CALN1: variants seen among roughly 807,000 people sequenced by gnomAD.
CALN1 encodes calcium-binding protein 8.
In CALN1, 17 loss-of-function variants were observed where a neutral mutation model predicts 30.6. The ratio of observed to expected loss-of-function variants is 0.56; its 90% CI spans 0.38 to 0.83. The LOEUF is 0.83. Ranked by LOEUF, CALN1 falls within the 40% of genes least tolerant of loss-of-function variation. The pLI is 0.00. For synonymous variants in CALN1, 156 were observed against 131.4 expected (o/e 1.19, Z -1.28); for missense variants, 291 against 354.9 (o/e 0.82, Z 1.45).
intron 2 of CALN1, chr7:72,337,743 G>C (rs1448626704): frequency 6.6e-6 from 1 of 152,410 alleles, no homozygotes; most frequent in Non-Finnish European, 1.5e-5. Flanking sequence ...GAGACGTCCA[G>C]GGAGGCACGG....
intron 5 of CALN1, among the ~76,000 whole-genome samples, chr7:71,999,481 C>T (rs1042424669): frequency 6.6e-6 from 1 of 151,974 alleles, no homozygotes; most frequent in Non-Finnish European, 1.5e-5. Context: ...GGATCTAGCT[C>T]ATATACACAG....
chr7:72,077,833 T>C (rs1289846671), intron 4 of CALN1, among the ~76,000 whole-genome samples: 2 of 152,196 alleles, frequency 1.3e-5, no homozygotes, highest in Non-Finnish European at 2.9e-5. Flanking sequence ...GCAGACTATT[T>C]TCCAGCAAGA....
intron 3 of CALN1, among the ~76,000 whole-genome samples, chr7:72,159,877 C>G (rs995093772): frequency 4.6e-5 from 7 of 152,160 alleles, no homozygotes; most frequent in African/African-American, 1.7e-4. Flanking sequence ...GTGATTTCCA[C>G]TGAAGGTGAA....
chr7:71,781,663 C>T lies in CALN1; in HGVS notation c.*6112G>A, dbSNP rs1792721372. The T allele has an allele frequency of 2.0e-5, 3 of 152,230 alleles. No homozygotes were observed. Among genetic ancestry groups the T allele is most frequent in the African/African-American group, 7.2e-5 (3 of 41,448 alleles). 9.4% of individuals were successfully genotyped at this position (152,230 alleles called of 1,614,324 possible). ...TCCTAATTAGCCTGCTCTTCTATCC[C>T]ACTGGAAAATTCCAGCCTCTGCATC... is the stretch of plus-strand genomic sequence containing the variant. On this transcript the variant is annotated 3_prime_UTR_variant, in exon 7 of 7. Transcript: ENST00000395275.
intron 5 of CALN1, among the ~76,000 whole-genome samples, chr7:71,882,331 T>C (rs1004954729): frequency 4.6e-5 from 7 of 152,152 alleles, no homozygotes; most frequent in Admixed American, 1.3e-4. Context: ...ACCCTTGTGA[T>C]TACACTGGGG....
At chr7:72,081,682 A>G (rs374846546) in intron 4 of CALN1, among the ~76,000 whole-genome samples, 1 of 151,722 alleles carries the variant, frequency 6.6e-6, no homozygotes, top group South Asian at 2.1e-4. Flanking sequence ...TCAGCCTCCT[A>G]AAGTGCTGGG....
intron 2 of CALN1, among the ~76,000 whole-genome samples, chr7:72,285,475 C>T (rs1798025970): frequency 6.6e-6 from 1 of 152,072 alleles, no homozygotes; most frequent in Admixed American, 6.5e-5. Context: ...GATCTCCTGA[C>T]CTTGTGATCT....
At chr7:71,846,803 T>G (rs1790267764) in intron 5 of CALN1, among the ~76,000 whole-genome samples, 1 of 142,076 alleles carries the variant, frequency 7.0e-6, no homozygotes, top group Non-Finnish European at 1.5e-5. Flanking sequence ...TACATATATA[T>G]GAGCAATATA....
intron 2 of CALN1, among the ~76,000 whole-genome samples, chr7:72,305,438 A>G (rs1318787864): frequency 6.6e-6 from 1 of 152,140 alleles, no homozygotes; most frequent in Non-Finnish European, 1.5e-5. Context: ...AATTGTGATG[A>G]ATTTCTATGT....
chr7:71,939,860 C>T (rs1049378148), intron 5 of CALN1, among the ~76,000 whole-genome samples: 3 of 152,086 alleles, frequency 2.0e-5, no homozygotes, highest in Non-Finnish European at 2.9e-5. Context: ...CATACTCTTG[C>T]CAAACTCCCT....
intron 5 of CALN1, among the ~76,000 whole-genome samples, chr7:71,813,243 C>T (rs549970172): frequency 6.6e-6 from 1 of 152,196 alleles, no homozygotes; most frequent in Admixed American, 6.6e-5. Context: ...CAGGGTTTCA[C>T]CATGTTGGCC....
At chr7:72,389,643 A>C (rs565535424) in intron 2 of CALN1, among the ~76,000 whole-genome samples, 79 of 152,298 alleles carry the variant, frequency 5.2e-4, no homozygotes, top group Middle Eastern at 6.8e-3. Flanking sequence ...CAAGGGGCTG[A>C]GCTTGGTGGC....
intron 3 of CALN1, among the ~76,000 whole-genome samples, chr7:72,254,785 C>CA (rs1170792600): frequency 1.3e-5 from 2 of 152,004 alleles, no homozygotes; most frequent in Admixed American, 1.3e-4. Context: ...CCCGCTGAGA[C>CA]AGAGTCTTGC....
At chr7:72,369,579 T>C (rs947724149) in intron 2 of CALN1, among the ~76,000 whole-genome samples, 2 of 152,066 alleles carry the variant, frequency 1.3e-5, no homozygotes, top group Non-Finnish European at 2.9e-5. Flanking sequence ...CAGGCTTGTC[T>C]TCAACTGCTG....
chr7:72,128,857 A>G (rs776290683), intron 3 of CALN1, among the ~76,000 whole-genome samples: 5 of 152,210 alleles, frequency 3.3e-5, no homozygotes, highest in African/African-American at 9.6e-5. Flanking sequence ...GGGCAACAAG[A>G]GCAAAACTCT....
chr7:72,214,912 G>A (rs374910517), intron 3 of CALN1, among the ~76,000 whole-genome samples: 3 of 151,318 alleles, frequency 2.0e-5, no homozygotes, highest in South Asian at 2.1e-4. Flanking sequence ...ATCTGTCACC[G>A]TCTCCCATCA....
chr7:72,296,539 C>T (rs1344653025), intron 2 of CALN1, among the ~76,000 whole-genome samples: 1 of 150,036 alleles, frequency 6.7e-6, no homozygotes, highest in Non-Finnish European at 1.5e-5. Context: ...ACAATTTCAG[C>T]TCCTGTTATT....
chr7:72,396,347 T>C (rs1281291139), intron 2 of CALN1, among the ~76,000 whole-genome samples: 1 of 147,978 alleles, frequency 6.8e-6, no homozygotes, highest in African/African-American at 2.5e-5. Flanking sequence ...CGCTTGGACC[T>C]GGGAGACAGA....
chr7:72,396,903 G>C (rs1282004943), intron 2 of CALN1, among the ~76,000 whole-genome samples: 2 of 152,100 alleles, frequency 1.3e-5, no homozygotes, highest in African/African-American at 2.4e-5. Flanking sequence ...TTTAGTAGTA[G>C]TAGTAAAAGT....
Sources: gnomAD v4.1 joint callset for allele counts (sites outside exome capture counted in the v4.1 genomes callset) on GRCh38, gnomAD v4.1.1 for gene constraint, MANE v1.5 for transcripts, NCBI Gene and HGNC (gene_info 2026-07-23, HGNC 2026-07-21) for gene names.